Variants in PTPRD observed in about 807,000 individuals in gnomAD.
PTPRD encodes the protein protein tyrosine phosphatase receptor type D, also known as receptor-type tyrosine-protein phosphatase delta.
A neutral mutation model predicts 214.5 loss-of-function variants in PTPRD; 34 were observed. That is an observed-to-expected ratio of 0.16 (90% CI 0.12 to 0.21). The LOEUF (loss-of-function observed/expected upper bound fraction) is 0.21, where lower values mean the gene tolerates loss of function less well. Among genes scored for constraint, PTPRD ranks in the 10% least tolerant of loss-of-function variants. The pLI, the probability that PTPRD is intolerant of heterozygous loss-of-function variation, is 1.00. For missense variants in PTPRD, 2,545 were observed against 2,398.7 expected (o/e 1.06, Z -1.27); for synonymous variants, 1,128 against 845.7 (o/e 1.33, Z -5.79).
chr9:8,811,912 G>A (rs1215675583), intron 11 of PTPRD, among the ~76,000 whole-genome samples: 2 of 152,126 alleles, frequency 1.3e-5, no homozygotes, highest in African/African-American at 4.8e-5. Flanking sequence ...CACTTGGGTG[G>A]GGACTTGAGG....
chr9:10,607,456 A>T (rs756180873), intron 2 of PTPRD, among the ~76,000 whole-genome samples: 1 of 151,942 alleles, frequency 6.6e-6, no homozygotes, highest in Non-Finnish European at 1.5e-5. Context: ...GTTTTTAAAC[A>T]CACACAGATA....
chr9:9,399,696 A>C (rs1305801474), intron 8 of PTPRD, among the ~76,000 whole-genome samples: 4 of 152,026 alleles, frequency 2.6e-5, no homozygotes, highest in Non-Finnish European at 5.9e-5. Context: ...GTCTCATGAG[A>C]TCTGATGATT....
intron 9 of PTPRD, among the ~76,000 whole-genome samples, chr9:9,367,998 T>C (rs1346018562): frequency 6.6e-6 from 1 of 151,738 alleles, no homozygotes; most frequent in African/African-American, 2.4e-5. Flanking sequence ...TAAGGACAGC[T>C]CAGTCTGGCA....
At chr9:9,668,341 A>T (rs998888086) in intron 7 of PTPRD, among the ~76,000 whole-genome samples, 1 of 152,196 alleles carries the variant, frequency 6.6e-6, no homozygotes, top group African/African-American at 2.4e-5. Context: ...AAAAAATTTC[A>T]AAGGATTTTG....
intron 3 of PTPRD, among the ~76,000 whole-genome samples, chr9:10,194,906 T>A (rs2099391276): frequency 6.6e-6 from 1 of 151,688 alleles, no homozygotes; most frequent in Non-Finnish European, 1.5e-5. Flanking sequence ...TGGCAGTGAC[T>A]GACAGAAGAA....
intron 39 of PTPRD, among the ~76,000 whole-genome samples, chr9:8,367,458 T>C (rs942333475): frequency 1.3e-5 from 2 of 152,122 alleles, no homozygotes; most frequent in Admixed American, 6.6e-5. Context: ...CATCCTATAA[T>C]GTATAGGACG....
intron 2 of PTPRD, among the ~76,000 whole-genome samples, chr9:10,415,331 A>G (rs2098477096): frequency 6.6e-6 from 1 of 151,828 alleles, no homozygotes; most frequent in Non-Finnish European, 1.5e-5. Flanking sequence ...TATATGTACA[A>G]ACATACAATA....
chr9:10,432,843 A>G (rs919963493), intron 2 of PTPRD, among the ~76,000 whole-genome samples: 1 of 151,944 alleles, frequency 6.6e-6, no homozygotes, highest in African/African-American at 2.4e-5. Flanking sequence ...CTATTTCCCG[A>G]GGATGACAGG....
chr9:10,179,451 T>C (rs10958938), intron 3 of PTPRD, among the ~76,000 whole-genome samples: 42,066 of 151,852 alleles, frequency 0.28, 5,954 homozygotes, highest in South Asian at 0.38. Context: ...AAATGAACAA[T>C]AGTAATGATA....
chr9:8,741,854 G>A (rs2092015785), intron 11 of PTPRD, among the ~76,000 whole-genome samples: 1 of 151,852 alleles, frequency 6.6e-6, no homozygotes, highest in African/African-American at 2.4e-5. Flanking sequence ...CTCCCAAAGT[G>A]CTGGGATTAC....
At chr9:9,282,121 A>C (rs1366885314) in intron 9 of PTPRD, among the ~76,000 whole-genome samples, 1 of 151,410 alleles carries the variant, frequency 6.6e-6, no homozygotes, top group African/African-American at 2.4e-5. Context: ...GAATAGGTGA[A>C]GTATAGAGGA....
intron 7 of PTPRD, among the ~76,000 whole-genome samples, chr9:9,714,619 A>G (rs887743201): frequency 6.6e-6 from 1 of 152,222 alleles, no homozygotes; most frequent in Admixed American, 6.5e-5. Flanking sequence ...ATTCAGATTC[A>G]TCTAAAGGAA....
chr9:9,772,657 TC>T (rs1307336175), intron 5 of PTPRD, among the ~76,000 whole-genome samples: 1 of 152,174 alleles, frequency 6.6e-6, no homozygotes, highest in African/African-American at 2.4e-5. Context: ...TTAGTATATA[TC>T]TGTCTCTGAT....
intron 3 of PTPRD, among the ~76,000 whole-genome samples, chr9:10,186,048 G>A (rs892669094): frequency 6.6e-6 from 1 of 151,856 alleles, no homozygotes; most frequent in South Asian, 2.1e-4. Context: ...ACCAGAACAT[G>A]CACAGTGGTA....
At chr9:9,905,084 G>A (rs1235460674) in intron 5 of PTPRD, among the ~76,000 whole-genome samples, 1 of 151,914 alleles carries the variant, frequency 6.6e-6, no homozygotes. Flanking sequence ...TTTCTAATGA[G>A]AGCATACCAT....
At chr9:9,642,917 A>G (rs565601870) in intron 7 of PTPRD, among the ~76,000 whole-genome samples, 39 of 152,364 alleles carry the variant, frequency 2.6e-4, no homozygotes, top group African/African-American at 9.4e-4. Context: ...TACCTAGTGC[A>G]AAATCTAAGT....
At chr9:9,477,429 C>T (rs561993805) in intron 8 of PTPRD, among the ~76,000 whole-genome samples, 2 of 152,124 alleles carry the variant, frequency 1.3e-5, no homozygotes, top group Non-Finnish European at 2.9e-5. Context: ...TAAACTGGGA[C>T]AATAATATTA....
chr9:10,372,636 C>G (rs1444301427), intron 2 of PTPRD, among the ~76,000 whole-genome samples: 3 of 151,974 alleles, frequency 2.0e-5, no homozygotes, highest in Non-Finnish European at 4.4e-5. Flanking sequence ...CGTCCTAGAG[C>G]CTCCATCAGT....
intron 2 of PTPRD, among the ~76,000 whole-genome samples, chr9:10,588,391 A>G (rs2074481529): frequency 6.6e-6 from 1 of 150,446 alleles, no homozygotes; most frequent in African/African-American, 2.4e-5. Flanking sequence ...TCAAACAGTC[A>G]ATGTGGGACC....
Sources: allele counts gnomAD v4.1 joint callset (sites outside exome capture counted in the v4.1 genomes callset), GRCh38; gene constraint gnomAD v4.1.1; transcripts MANE v1.5; gene names NCBI Gene and HGNC (gene_info 2026-07-23, HGNC 2026-07-21).